The following ADARB2 variants were observed in gnomAD, a reference collection of about 807,000 sequenced individuals.
ADARB2 encodes adenosine deaminase RNA specific B2 (inactive).
ADARB2 carries 25 observed loss-of-function variants against 62.2 expected under a neutral mutation model. That is an observed-to-expected ratio of 0.40 (90% CI 0.29 to 0.56). ADARB2 has a LOEUF of 0.56. Ranked by LOEUF, ADARB2 falls within the 20% of genes least tolerant of loss-of-function variation. The pLI, the probability that ADARB2 is intolerant of heterozygous loss-of-function variation, is 0.43. For missense variants in ADARB2, 1,071 were observed against 1,077.4 expected (o/e 0.99, Z 0.08); for synonymous variants, 572 against 500.8 (o/e 1.14, Z -1.90).
intron 3 of ADARB2, among the ~76,000 whole-genome samples, chr10:1,289,837 G>C (rs951586578): frequency 1.3e-5 from 2 of 152,284 alleles, no homozygotes; most frequent in African/African-American, 4.8e-5. Flanking sequence ...CACCAGGGAG[G>C]GGCAGGTAGG....
chr10:1,571,276 C>T lies in ADARB2; in HGVS notation c.100+165775G>A, dbSNP rs551763250. Among the ~76,000 whole-genome samples the T allele has an allele frequency of 2.7e-5, 4 of 149,868 alleles. No homozygotes were observed. In the South Asian group the frequency reaches 6.3e-4, roughly 24 times the overall value. On this transcript the variant is annotated intron_variant, in intron 1 of 9. Coordinates refer to ENST00000381312, the MANE Select transcript of ADARB2 (RefSeq NM_018702.4). ...TACTTTTAGAAGTGTAACTTTTGATCTATTTTTACTTTTTTTTTTTTAAAA... is the reference window on the plus strand; with the variant it reads ...TACTTTTAGAAGTGTAACTTTTGATTTATTTTTACTTTTTTTTTTTTAAAA...
rs750954804 is a variant in ADARB2 at position 1,244,597 on chromosome 10, A to AC, written c.1193-2299dup. On this transcript the variant is annotated intron_variant, in intron 4 of 9. Coordinates refer to ENST00000381312, the MANE Select transcript of ADARB2 (RefSeq NM_018702.4). ...TGCATATTCAGTTTTCATGATTCTC[A>AC]CCCCCACCGCCAGCACCACGTTCCC... 2.9e-4 allele frequency among the ~76,000 whole-genome samples: 44 copies of AC among 152,054 alleles called. 1 individual carries two copies. The highest frequency in any genetic ancestry group is 5.2e-4 in the Admixed American group (8 of 15,276).
intron 3 of ADARB2, among the ~76,000 whole-genome samples, chr10:1,328,995 T>G (rs1168090195): frequency 1.0e-4 from 6 of 59,556 alleles, no homozygotes; most frequent in African/African-American, 4.8e-4. Flanking sequence ...AGACCCTGTC[T>G]TAAAAAAAAA....
chr10:1,273,798 G>T (rs1230289073), intron 3 of ADARB2, among the ~76,000 whole-genome samples: 1 of 152,214 alleles, frequency 6.6e-6, no homozygotes, highest in Non-Finnish European at 1.5e-5. Context: ...CAGGGCGTGT[G>T]CTGCAAGCCC....
At chr10:1,462,548 A>AGTGTATGTGCCTGT (rs781237063) in intron 1 of ADARB2, among the ~76,000 whole-genome samples, 1 of 151,406 alleles carries the variant, frequency 6.6e-6, no homozygotes, top group East Asian at 1.9e-4. Context: ...TATGTACATG[A>AGTGTATGTGCCTGT]GTGTATGTGC....
chr10:1,473,930 G>A (rs1036408442), intron 1 of ADARB2, among the ~76,000 whole-genome samples: 10 of 152,242 alleles, frequency 6.6e-5, no homozygotes, highest in African/African-American at 1.9e-4. Flanking sequence ...GATTACGGAG[G>A]AGCCCTTGGC....
At chr10:1,495,908 A>T (rs1318802353) in intron 1 of ADARB2, among the ~76,000 whole-genome samples, 1 of 152,036 alleles carries the variant, frequency 6.6e-6, no homozygotes, top group African/African-American at 2.4e-5. Context: ...TATCAACATT[A>T]TCACCACCAT....
intron 1 of ADARB2, among the ~76,000 whole-genome samples, chr10:1,576,280 G>GGGGGCTCAGGATCACTGGA: frequency 6.6e-6 from 1 of 151,410 alleles, no homozygotes; most frequent in South Asian, 2.1e-4. Flanking sequence ...GGTCAAAGGA[G>GGGGGCTCAGGATCACTGGA]GGGGCTCAGG....
chr10:1,227,519 G>A (rs375936284), intron 6 of ADARB2, among the ~76,000 whole-genome samples: 15 of 152,308 alleles, frequency 9.8e-5, no homozygotes, highest in South Asian at 4.1e-4. Flanking sequence ...GCTGTAGACC[G>A]GAGCTGTTCC....
rs181761206 is a variant in ADARB2 at position 1,398,585 on chromosome 10, G to T, written c.101-19425C>A. Among the ~76,000 whole-genome samples, 1 of 152,320 alleles carries T rather than the reference G, an allele frequency of 6.6e-6. No individual in the cohort carries two copies. Among genetic ancestry groups the T allele is most frequent in the Admixed American group, 6.5e-5 (1 of 15,306 alleles). On this transcript the variant is annotated intron_variant, in intron 1 of 9. Coordinates refer to ENST00000381312, the MANE Select transcript of ADARB2 (RefSeq NM_018702.4). The surrounding 1 kb of genome is among the most constrained non-coding windows in gnomAD (Gnocchi z 4.1). ...TGTCAGAACCCAGTTCTGGTGCGGA[G>T]GTAAGACAACTCAAAAACGTGTATT...
intron 3 of ADARB2, among the ~76,000 whole-genome samples, chr10:1,353,283 T>C (rs1832162165): frequency 1.3e-5 from 2 of 152,174 alleles, no homozygotes; most frequent in South Asian, 2.1e-4. Context: ...TCTCCCCAGC[T>C]ATCTCCACCA....
intron 5 of ADARB2, among the ~76,000 whole-genome samples, chr10:1,234,548 C>T (rs567976251): frequency 6.6e-6 from 1 of 150,756 alleles, no homozygotes; most frequent in Admixed American, 6.6e-5. Flanking sequence ...TCAAGTGATC[C>T]TCCTGCCTCA....
rs1224106044 is a variant in ADARB2, at chr10:1,177,381, A to G, written c.*5812T>C. The G allele has an allele frequency of 2.7e-5, 4 of 150,400 alleles. No individual in the cohort carries two copies. Among genetic ancestry groups the G allele is most frequent in the East Asian group, 2.0e-4 (1 of 5,110 alleles). The allele number at this position is 150,400 out of a possible 1,614,324, so 9.3% of individuals were successfully genotyped here. On this transcript the variant is annotated 3_prime_UTR_variant, in exon 10 of 10. Transcript: ENST00000381312. ...ACTTATTAGATATCACTGAAGTGCAATTTATAGAACTTAGAGGCAAATTAA... is the reference window on the plus strand; with the variant it reads ...ACTTATTAGATATCACTGAAGTGCAGTTTATAGAACTTAGAGGCAAATTAA...
At chr10:1,659,950 G>A (rs80114960) in intron 1 of ADARB2, among the ~76,000 whole-genome samples, 5 of 140,372 alleles carry the variant, frequency 3.6e-5, no homozygotes, top group Admixed American at 7.1e-5. Flanking sequence ...CTGCCTGGGC[G>A]ACCCATCATG....
intron 1 of ADARB2, among the ~76,000 whole-genome samples, chr10:1,637,782 T>C (rs1833933924): frequency 6.6e-6 from 1 of 152,256 alleles, no homozygotes; most frequent in Non-Finnish European, 1.5e-5. Flanking sequence ...TGTGTCTGCG[T>C]GGCTCCTGTT....
At chr10:1,539,040 G>A (rs1343818512) in intron 1 of ADARB2, among the ~76,000 whole-genome samples, 1 of 152,182 alleles carries the variant, frequency 6.6e-6, no homozygotes. Flanking sequence ...CAGCATGCAC[G>A]TCGGCCCTGG....
At chr10:1,594,435 G>A (rs1833305259) in intron 1 of ADARB2, among the ~76,000 whole-genome samples, 2 of 152,084 alleles carry the variant, frequency 1.3e-5, no homozygotes, top group African/African-American at 4.8e-5. Flanking sequence ...TTCTGTGGTG[G>A]GGCCATTTTC....
intron 1 of ADARB2, among the ~76,000 whole-genome samples, chr10:1,600,661 C>CAAAA (rs71379153): frequency 0.023 from 1,605 of 70,398 alleles, 172 homozygotes; most frequent in African/African-American, 0.085. Context: ...GACTCTGTCT[C>CAAAA]AAAAAAAAAA....
intron 4 of ADARB2, among the ~76,000 whole-genome samples, chr10:1,264,340 C>T (rs560445172): frequency 2.1e-4 from 32 of 152,188 alleles, no homozygotes; most frequent in East Asian, 1.2e-3. Flanking sequence ...GGGGAGACAA[C>T]GGAAGGAAAG....
Sources: gnomAD v4.1 joint callset for allele counts (sites outside exome capture counted in the v4.1 genomes callset) on GRCh38, gnomAD v4.1.1 for gene constraint, Gnocchi (gnomAD v3.1) non-coding constraint, MANE v1.5 for transcripts, NCBI Gene and HGNC (gene_info 2026-07-23, HGNC 2026-07-21) for gene names.